The following RABGAP1L variants were observed in gnomAD, a reference collection of about 807,000 sequenced individuals.
RABGAP1L encodes RAB GTPase activating protein 1 like.
Under a neutral mutation model 137.7 loss-of-function variants are expected in RABGAP1L, and 63 were observed. The ratio of observed to expected loss-of-function variants is 0.46; its 90% CI spans 0.37 to 0.56. The LOEUF (loss-of-function observed/expected upper bound fraction) is 0.56, where lower values mean the gene tolerates loss of function less well. Ranked by LOEUF, RABGAP1L falls within the 20% of genes least tolerant of loss-of-function variation. The pLI, the probability that RABGAP1L is intolerant of heterozygous loss-of-function variation, is 0.00. For missense variants in RABGAP1L, 1,095 were observed against 1,244.0 expected (o/e 0.88, Z 1.80); for synonymous variants, 431 against 433.7 (o/e 0.99, Z 0.08).
chr1:174,475,148 T>C (rs962310994), intron 13 of RABGAP1L, among the ~76,000 whole-genome samples: 2 of 152,110 alleles, frequency 1.3e-5, no homozygotes, highest in Non-Finnish European at 1.5e-5. Context: ...AAAGATCACC[T>C]TGGGAGCCTG....
intron 18 of RABGAP1L, among the ~76,000 whole-genome samples, chr1:174,763,837 CAAAAA>C (rs570110788): frequency 0.014 from 1,104 of 81,194 alleles, 11 homozygotes; most frequent in Non-Finnish European, 0.019. Context: ...GACTCCGTCT[CAAAAA>C]AAAAAAAAAA....
intron 13 of RABGAP1L, among the ~76,000 whole-genome samples, chr1:174,636,323 C>T (rs542029437): frequency 2.0e-4 from 31 of 152,064 alleles, no homozygotes; most frequent in African/African-American, 6.8e-4. Flanking sequence ...TTGAGACCAG[C>T]CTGTTCCAAC....
chr1:174,611,554 C>T (rs1671253548), intron 13 of RABGAP1L, among the ~76,000 whole-genome samples: 1 of 148,788 alleles, frequency 6.7e-6, no homozygotes, highest in Non-Finnish European at 1.5e-5. Context: ...TTTTTGGTTC[C>T]ATATGAACTT....
At chr1:174,986,771 G>A (rs565360482) in intron 24 of RABGAP1L, among the ~76,000 whole-genome samples, 1 of 152,296 alleles carries the variant, frequency 6.6e-6, no homozygotes, top group African/African-American at 2.4e-5. Context: ...ATCTGAAGGT[G>A]CTATGTCTTT....
At chr1:174,849,864 T>C (rs1647949166) in intron 19 of RABGAP1L, 2 of 563,472 alleles carry the variant, frequency 3.5e-6, no homozygotes, top group African/African-American at 3.8e-5. Flanking sequence ...ATTTATCATA[T>C]TAAAGTGATG....
intron 13 of RABGAP1L, among the ~76,000 whole-genome samples, chr1:174,526,976 CACTT>C (rs919659731): frequency 3.3e-5 from 5 of 152,146 alleles, no homozygotes; most frequent in African/African-American, 9.6e-5. Context: ...TTATATATCT[CACTT>C]ACTACTGCTT....
chr1:174,637,546 C>T (rs765048113), intron 14 of RABGAP1L, 58 bp downstream of exon 14: 49 of 1,280,132 alleles, frequency 3.8e-5, no homozygotes, highest in Non-Finnish European at 5.1e-5. Context: ...TTTTAGAAAC[C>T]CATTTAAGGA....
At chr1:174,408,685 T>C (rs1344199332) in intron 13 of RABGAP1L, among the ~76,000 whole-genome samples, 2 of 152,160 alleles carry the variant, frequency 1.3e-5, no homozygotes, top group Non-Finnish European at 2.9e-5. Flanking sequence ...CAACAGTGTC[T>C]ACGTGTTAAT....
intron 19 of RABGAP1L, among the ~76,000 whole-genome samples, chr1:174,879,949 C>T (rs777340726): frequency 4.4e-4 from 66 of 151,670 alleles, no homozygotes; most frequent in Non-Finnish European, 7.1e-4. Context: ...AAAGATCAGC[C>T]AGGCATAGTG....
chr1:174,349,933 G>A (rs1405607501), intron 11 of RABGAP1L, among the ~76,000 whole-genome samples: 130 of 135,940 alleles, frequency 9.6e-4, no homozygotes, highest in Admixed American at 7.5e-3. Flanking sequence ...CCTCCCTCCC[G>A]GACGGGGCGG....
At chr1:174,534,802 A>AAAAAAAATAAT (rs1553324953) in intron 13 of RABGAP1L, among the ~76,000 whole-genome samples, 1 of 137,266 alleles carries the variant, frequency 7.3e-6, no homozygotes, top group Non-Finnish European at 1.6e-5. Context: ...AAAAAAAAAA[A>AAAAAAAATAAT]AATAATTAGA....
chr1:174,416,886 G>C (rs183611856), intron 13 of RABGAP1L, among the ~76,000 whole-genome samples: 3 of 152,008 alleles, frequency 2.0e-5, no homozygotes, highest in Non-Finnish European at 4.4e-5. Context: ...AGGATTTGAG[G>C]TGTTTCTTAA....
At position 174,646,221 on chromosome 1, in the gene RABGAP1L, T is replaced by A. The variant is rs545336507; in HGVS notation, c.1824+8733T>A. 2.6e-5 allele frequency among the ~76,000 whole-genome samples: 4 copies of A among 152,306 alleles called. No homozygotes were observed. The East Asian group carries it at 7.7e-4, about 29-fold the overall frequency. ...GCAGAAGCTCTTTCATTTAATTAGA[T>A]CCCATTCATCAATTTTAGCTTTTGT... On this transcript the variant is annotated intron_variant, in intron 14 of 25. Coordinates refer to ENST00000681986, the MANE Select transcript of RABGAP1L (RefSeq NM_001366446.1).
At chr1:174,741,767 T>C (rs1683424139) in intron 17 of RABGAP1L, among the ~76,000 whole-genome samples, 1 of 150,266 alleles carries the variant, frequency 6.7e-6, no homozygotes, top group Non-Finnish European at 1.5e-5. Context: ...TGGCTACTTT[T>C]ATACCATGTT....
intron 11 of RABGAP1L, among the ~76,000 whole-genome samples, chr1:174,305,910 C>A (rs1160790807): frequency 6.6e-6 from 1 of 152,008 alleles, no homozygotes; most frequent in Non-Finnish European, 1.5e-5. Context: ...TGCTATCCCT[C>A]CCCCCTCCTC....
rs138321431 is a variant in RABGAP1L at position 174,804,867 on chromosome 1, T to C, written c.2212-6965T>C. Reference sequence around the variant, plus strand: ...TTGTTTTTAACTTTGTAGACTTTCTTAAACATTAAGTTTAAGGAAGGATGA... The same window carrying C: ...TTGTTTTTAACTTTGTAGACTTTCTCAAACATTAAGTTTAAGGAAGGATGA... On this transcript the variant is annotated intron_variant, in intron 18 of 25. Coordinates refer to ENST00000681986, the MANE Select transcript of RABGAP1L (RefSeq NM_001366446.1). Among the ~76,000 whole-genome samples the C allele has an allele frequency of 3.8e-3, 572 of 152,314 alleles. 3 individuals are homozygous for C. Among genetic ancestry groups the C allele is most frequent in the African/African-American group, 0.013 (547 of 41,572 alleles).
At chr1:174,700,962 G>C in intron 16 of RABGAP1L, 1 of 894,088 alleles carries the variant, frequency 1.1e-6, no homozygotes, top group Non-Finnish European at 1.5e-6. Flanking sequence ...TTTTCTGTTA[G>C]CAGTTTTTTT....
At chr1:174,566,789 G>T (rs1261212251) in intron 13 of RABGAP1L, among the ~76,000 whole-genome samples, 1 of 152,100 alleles carries the variant, frequency 6.6e-6, no homozygotes, top group Non-Finnish European at 1.5e-5. Context: ...GCAAGGCCTG[G>T]TTAGTGGATT....
chr1:174,597,962 A>G (rs530465380), intron 13 of RABGAP1L, among the ~76,000 whole-genome samples: 26 of 152,164 alleles, frequency 1.7e-4, no homozygotes, highest in Non-Finnish European at 8.8e-5. Context: ...ATAGTTTCCA[A>G]CATTCCTCTT....
Sources: gnomAD v4.1 joint callset for allele counts (sites outside exome capture counted in the v4.1 genomes callset) on GRCh38, gnomAD v4.1.1 for gene constraint, MANE v1.5 for transcripts, NCBI Gene and HGNC (gene_info 2026-07-23, HGNC 2026-07-21) for gene names.